NPAS1: variants seen among roughly 807,000 people sequenced by gnomAD.
NPAS1 encodes the protein neuronal PAS domain protein 1.
A neutral mutation model predicts 49.2 loss-of-function variants in NPAS1; 29 were observed. The ratio of observed to expected loss-of-function variants is 0.59; its 90% CI spans 0.44 to 0.80. The LOEUF (loss-of-function observed/expected upper bound fraction) is 0.80, where lower values mean the gene tolerates loss of function less well. Among genes scored for constraint, NPAS1 ranks in the 30% least tolerant of loss-of-function variants. The pLI is 0.00. For synonymous variants in NPAS1, 408 were observed against 380.4 expected (o/e 1.07, Z -0.84); for missense variants, 825 against 835.5 (o/e 0.99, Z 0.15).
At chr19:47,022,808 C>T (rs1358657269) in intron 3 of NPAS1, among the ~76,000 whole-genome samples, 2 of 152,208 alleles carry the variant, frequency 1.3e-5, no homozygotes, top group Non-Finnish European at 1.5e-5. Flanking sequence ...CTGTAAGATA[C>T]AGATAAATAT....
intron 3 of NPAS1, among the ~76,000 whole-genome samples, chr19:47,031,904 C>T (rs1366350983): frequency 3.3e-5 from 5 of 152,090 alleles, no homozygotes; most frequent in Admixed American, 3.3e-4. Context: ...GTTCAACTGC[C>T]CCTGGTCTGA....
chr19:47,031,633 C>A (rs956700224), intron 3 of NPAS1, among the ~76,000 whole-genome samples: 16 of 151,322 alleles, frequency 1.1e-4, no homozygotes, highest in African/African-American at 3.9e-4. Context: ...CGGTTTCAAG[C>A]GATTCTCCTG....
chr19:47,020,767 G>A lies in NPAS1; in HGVS notation c.-42-239G>A, dbSNP rs2056833869. On this transcript the variant is annotated intron_variant, in intron 1 of 11. Transcript: ENST00000602212. ...GGAGCCGGCCCGGCGCGGGCGTGAGGCGGGCGCGCTGGCGGGCGGCGCGGG... is the reference window on the plus strand; with the variant it reads ...GGAGCCGGCCCGGCGCGGGCGTGAGACGGGCGCGCTGGCGGGCGGCGCGGG... The A allele has an allele frequency of 1.3e-5, 3 of 225,670 alleles. No individual in the cohort carries two copies. The South Asian group carries it at 4.8e-4, about 36-fold the overall frequency. 14.0% of individuals were successfully genotyped at this position (225,670 alleles called of 1,614,324 possible).
intron 3 of NPAS1, among the ~76,000 whole-genome samples, chr19:47,029,315 C>T (rs1041108472): frequency 6.6e-6 from 1 of 152,004 alleles, no homozygotes; most frequent in African/African-American, 2.4e-5. Context: ...AACTCCTGAC[C>T]TCAGGTGATC....
chr19:47,042,712 T>C, intron 10 of NPAS1, 98 bp from the exon 11 acceptor site: 1 of 914,516 alleles, frequency 1.1e-6, no homozygotes. Flanking sequence ...CATTTCCCCG[T>C]GGGAGTGTCC....
intron 3 of NPAS1, among the ~76,000 whole-genome samples, chr19:47,026,275 G>A (rs950893482): frequency 1.3e-5 from 2 of 152,238 alleles, no homozygotes; most frequent in South Asian, 2.1e-4. Flanking sequence ...CCAAGGAGGT[G>A]TGGGAGCAGC....
intron 3 of NPAS1, among the ~76,000 whole-genome samples, chr19:47,023,804 C>T (rs2056856226): frequency 6.6e-6 from 1 of 151,962 alleles, no homozygotes; most frequent in Admixed American, 6.6e-5. Context: ...AAAACCATGT[C>T]CCTACAAAAA....
intron 3 of NPAS1, among the ~76,000 whole-genome samples, chr19:47,023,224 G>GC (rs1272493851): frequency 3.9e-5 from 6 of 152,082 alleles, no homozygotes; most frequent in Non-Finnish European, 8.8e-5. Context: ...CAACATGTGC[G>GC]CCGGCGGGGG....
chr19:47,028,806 A>G (rs1028313329), intron 3 of NPAS1, among the ~76,000 whole-genome samples: 15 of 152,154 alleles, frequency 9.9e-5, no homozygotes, highest in South Asian at 2.1e-4. Flanking sequence ...CACTCTCAGC[A>G]CTGGGTTGGA....
At position 47,045,608 on chromosome 19, in the gene NPAS1, ACC is replaced by A. The variant is rs764163203; in HGVS notation, c.1732_1733del (p.Pro578GlyfsTer33). On this transcript the variant is annotated frameshift_variant, in exon 12 of 12. Transcript: ENST00000602212. LOFTEE classifies it high-confidence loss of function. Reference sequence around the variant, plus strand: ...TTTTACCCGCCCCTGGGCCTGCCCTACCCGGGGCCCGCGGGCACCAGGCTGCC... The same window carrying A: ...TTTTACCCGCCCCTGGGCCTGCCCTACGGGGCCCGCGGGCACCAGGCTGCC... 3 of 1,451,368 alleles carry A rather than the reference ACC, an allele frequency of 2.1e-6. No individual in the cohort carries two copies. The South Asian group carries it at 4.2e-5, about 20-fold the overall frequency. 89.9% of individuals were successfully genotyped at this position (1,451,368 alleles called of 1,614,324 possible). A position where few individuals can be genotyped will look rare whatever the true frequency, so the allele number is the denominator to read the frequency against.
rs1336495442 is a variant in NPAS1, at chr19:47,045,498, C to T, written c.1620C>T (p.Gly540=). ...PPVVRGLCTP[G]TIRYGPAELG... is the part of the protein sequence containing the mutation. ...TGGTGCGGGGCCTGTGCACACCCGG[C>T]ACCATCCGCTACGGCCCCGCGGAGC... Residue 540 remains glycine (G), a synonymous_variant, in exon 12 of 12, where the codon GGC becomes GGT. Coordinates refer to ENST00000602212, the MANE Select transcript of NPAS1 (RefSeq NM_002517.4). 1.9e-6 allele frequency: 3 copies of T among 1,556,638 alleles called. No individual in the cohort carries two copies. Among genetic ancestry groups the T allele is most frequent in the Non-Finnish European group, 1.7e-6 (2 of 1,156,022 alleles).
chr19:47,045,668 C>A lies in NPAS1; in HGVS notation c.*17C>A. On this transcript the variant is annotated 3_prime_UTR_variant, in exon 12 of 12. Transcript: ENST00000602212. ...GGGGACTGAGGACTGGCAGAGCTGC[C>A]GGCGCCGGACCCTGCGACAACCGGG... 2 of 1,401,278 alleles carry A rather than the reference C, an allele frequency of 1.4e-6. No individual in the cohort carries two copies. Among genetic ancestry groups the A allele is most frequent in the South Asian group, 1.6e-5 (1 of 64,154 alleles). 86.8% of individuals were successfully genotyped at this position (1,401,278 alleles called of 1,614,324 possible). A position where few individuals can be genotyped will look rare whatever the true frequency, so the allele number is the denominator to read the frequency against.
chr19:47,041,820 AATT>A (rs1339150179), intron 10 of NPAS1, among the ~76,000 whole-genome samples: 1 of 151,176 alleles, frequency 6.6e-6, no homozygotes, highest in Non-Finnish European at 1.5e-5. Context: ...ATTAAAAAAA[AATT>A]TTTTTAATTG....
chr19:47,036,272 TATAA>T, intron 6 of NPAS1, 143 bp downstream of exon 6: 1 of 943,170 alleles, frequency 1.1e-6, no homozygotes, highest in Non-Finnish European at 1.6e-6. Flanking sequence ...GGAATCGGAG[TATAA>T]ATTGAGGCGG....
chr19:47,031,961 G>A (rs767273232), intron 3 of NPAS1, among the ~76,000 whole-genome samples: 2 of 152,160 alleles, frequency 1.3e-5, no homozygotes, highest in Non-Finnish European at 2.9e-5. Context: ...GGTCACCGTT[G>A]CACTCCCAGC....
intron 6 of NPAS1, among the ~76,000 whole-genome samples, chr19:47,037,612 C>T (rs540481193): frequency 1.3e-4 from 20 of 152,092 alleles, no homozygotes; most frequent in South Asian, 8.3e-4. Flanking sequence ...ATTACCCTGC[C>T]GGCTCTTTTT....
At chr19:47,022,747 A>G (rs919840154) in intron 3 of NPAS1, among the ~76,000 whole-genome samples, 1 of 152,266 alleles carries the variant, frequency 6.6e-6, no homozygotes, top group African/African-American at 2.4e-5. Context: ...CCAAGACGCA[A>G]TAAAGAAATA....
At chr19:47,041,813 A>T (rs1354224153) in intron 10 of NPAS1, among the ~76,000 whole-genome samples, 6 of 147,340 alleles carry the variant, frequency 4.1e-5, no homozygotes, top group Admixed American at 6.8e-5. Context: ...CATCTCTATT[A>T]AAAAAAAATT....
chr19:47,032,872 TTGGCACCCCACA>T (rs2056917404), intron 5 of NPAS1, 140 bp downstream of exon 5: 4 of 651,092 alleles, frequency 6.1e-6, no homozygotes, highest in African/African-American at 5.4e-5. Flanking sequence ...AGTGTGTTCC[TTGGCACCCCACA>T]TGGCACCCAG....
Sources: allele counts gnomAD v4.1 joint callset (sites outside exome capture counted in the v4.1 genomes callset), GRCh38; gene constraint gnomAD v4.1.1; transcripts MANE v1.5; gene names NCBI Gene and HGNC (gene_info 2026-07-23, HGNC 2026-07-21).